The following PTH2R variants were observed in gnomAD, a reference collection of about 807,000 sequenced individuals.
The protein encoded by PTH2R is parathyroid hormone 2 receptor, also known as PTH2 receptor.
Under a neutral mutation model 60.3 loss-of-function variants are expected in PTH2R, and 59 were observed. That is an observed-to-expected ratio of 0.98 (90% CI 0.79 to 1.22). The LOEUF (loss-of-function observed/expected upper bound fraction) is 1.22. Ranked by LOEUF, PTH2R falls within the 50% of genes most tolerant of loss-of-function variation. The pLI is 0.00. For synonymous variants in PTH2R, 256 were observed against 243.8 expected (o/e 1.05, Z -0.47); for missense variants, 749 against 682.6 (o/e 1.10, Z -1.08).
intron 2 of PTH2R, among the ~76,000 whole-genome samples, chr2:208,430,296 CTTTA>C (rs1319214721): frequency 6.6e-6 from 1 of 151,674 alleles, no homozygotes; most frequent in African/African-American, 2.4e-5. Flanking sequence ...ATAAAATGTC[CTTTA>C]TTTATATATT....
At chr2:208,404,494 G>A (rs929426650), upstream of PTH2R, among the ~76,000 whole-genome samples, 1 of 152,140 alleles carries the variant, frequency 6.6e-6, no homozygotes. Context: ...TAAATGGAAT[G>A]TAATAGTGTA....
intron 1 of PTH2R, among the ~76,000 whole-genome samples, chr2:208,399,078 C>T (rs1172560665): frequency 2.6e-5 from 4 of 152,124 alleles, no homozygotes; most frequent in African/African-American, 7.2e-5. Flanking sequence ...TTCTTCATAC[C>T]TTATTGTTTA....
intron 5 of PTH2R, 28 bp from the exon 6 acceptor site, chr2:208,443,320 T>G (rs776384279): frequency 3.4e-6 from 5 of 1,481,276 alleles, no homozygotes; most frequent in Middle Eastern, 3.6e-4. Context: ...TTTATCCAAA[T>G]TTAAATACTG....
In PTH2R at chr2:208,442,447, C is replaced by T. The variant is rs748084242; in HGVS notation, c.495C>T (p.Ile165=). Residue 165 remains isoleucine, a synonymous_variant, in exon 5 of 13, where the codon ATC becomes ATT. Transcript: ENST00000272847. ...SFGSLAVAIL[I]IGYFRRLHCT... The stretch of plus-strand genomic sequence containing the variant: ...GTTCCTTGGCTGTGGCTATTCTCAT[C>T]ATTGGTTACTTCAGGTGAGTGATGC... 1 of 1,607,554 alleles carries T rather than the reference C, an allele frequency of 6.2e-7. No individual in the cohort carries two copies. The highest frequency in any genetic ancestry group is 8.5e-7 in the Non-Finnish European group (1 of 1,174,128).
In PTH2R at chr2:208,411,056, G is replaced by A. The variant is rs566522512; in HGVS notation, c.75+3938G>A. Among the ~76,000 whole-genome samples the A allele has an allele frequency of 1.1e-4, 16 of 152,264 alleles. No homozygotes were observed. The East Asian group carries it at 2.9e-3, about 28-fold the overall frequency. ...AGGTCAGGAGTTCGAGACCAGCCTG[G>A]CCGACATGGTGAAACACCGTCTCTA... On this transcript the variant is annotated intron_variant, in intron 1 of 12. Coordinates refer to ENST00000272847, the MANE Select transcript of PTH2R (RefSeq NM_005048.4).
At chr2:208,428,635 A>G (rs1159769148) in intron 2 of PTH2R, among the ~76,000 whole-genome samples, 1 of 152,218 alleles carries the variant, frequency 6.6e-6, no homozygotes, top group Non-Finnish European at 1.5e-5. Flanking sequence ...GTAAGCTTGG[A>G]GGAGTAGGCT....
chr2:208,467,250 G>A (rs183016399), intron 9 of PTH2R, among the ~76,000 whole-genome samples: 1 of 152,088 alleles, frequency 6.6e-6, no homozygotes, highest in South Asian at 2.1e-4. Context: ...CAAACAAATG[G>A]TGGGAGCAAG....
intron 9 of PTH2R, among the ~76,000 whole-genome samples, chr2:208,476,871 T>C (rs1198238116): frequency 3.9e-5 from 6 of 152,134 alleles, no homozygotes; most frequent in Non-Finnish European, 1.5e-5. Flanking sequence ...GTCAGGATCT[T>C]CCCACCTGGG....
At chr2:208,436,737 G>A (rs1053501553) in intron 2 of PTH2R, among the ~76,000 whole-genome samples, 4 of 152,074 alleles carry the variant, frequency 2.6e-5, no homozygotes, top group Non-Finnish European at 5.9e-5. Context: ...TTTCTGGGAG[G>A]GCTTGGAACT....
chr2:208,417,538 A>C (rs1701663979), intron 1 of PTH2R, among the ~76,000 whole-genome samples: 2 of 137,654 alleles, frequency 1.5e-5, no homozygotes, highest in African/African-American at 2.7e-5. Flanking sequence ...CAAAGGTGGG[A>C]ATCTTTTTTT....
At chr2:208,373,443 C>T (rs1249847805) in intron 1 of PTH2R, among the ~76,000 whole-genome samples, 1 of 152,022 alleles carries the variant, frequency 6.6e-6, no homozygotes, top group African/African-American at 2.4e-5. Context: ...CTGTTTGCTG[C>T]ATTGAAAAAA....
chr2:208,460,564 G>A (rs1702614107), intron 9 of PTH2R, among the ~76,000 whole-genome samples: 2 of 152,124 alleles, frequency 1.3e-5, no homozygotes, highest in African/African-American at 4.8e-5. Flanking sequence ...CACAATGCAT[G>A]TTGCACTGGA....
chr2:208,443,297 C>T (rs772044989), intron 5 of PTH2R, 51 bp from the exon 6 acceptor site: 10 of 1,453,276 alleles, frequency 6.9e-6, no homozygotes, highest in Admixed American at 4.7e-5. Context: ...TGGGTGTTTC[C>T]CCCATTTTTA....
At chr2:208,458,079 C>T (rs1702550537) in intron 8 of PTH2R, among the ~76,000 whole-genome samples, 2 of 152,136 alleles carry the variant, frequency 1.3e-5, no homozygotes, top group African/African-American at 4.8e-5. Context: ...AGTGCCAAGT[C>T]GTACTAGTTT....
chr2:208,454,364 T>C (rs1702467889), intron 8 of PTH2R, among the ~76,000 whole-genome samples: 1 of 152,146 alleles, frequency 6.6e-6, no homozygotes, highest in South Asian at 2.1e-4. Flanking sequence ...AGGACCTAAT[T>C]AGGGTTAAGG....
intron 1 of PTH2R, among the ~76,000 whole-genome samples, chr2:208,377,596 C>T (rs1320170239): frequency 2.9e-4 from 44 of 150,886 alleles, no homozygotes; most frequent in Admixed American, 2.6e-3. Flanking sequence ...CGGGGGCTGA[C>T]CCCCCACCTG....
At chr2:208,389,227 T>C (rs1574830153) in intron 1 of PTH2R, among the ~76,000 whole-genome samples, 2 of 142,550 alleles carry the variant, frequency 1.4e-5, no homozygotes, top group African/African-American at 2.6e-5. Context: ...AGGAAATGCA[T>C]ACACACACAC....
At chr2:208,432,472 G>C (rs1450826134) in intron 2 of PTH2R, among the ~76,000 whole-genome samples, 2 of 152,194 alleles carry the variant, frequency 1.3e-5, no homozygotes, top group African/African-American at 4.8e-5. Flanking sequence ...GTAGGAATTA[G>C]ATGTGATGAG....
intron 1 of PTH2R, among the ~76,000 whole-genome samples, chr2:208,395,408 C>A (rs1405731894): frequency 1.3e-5 from 2 of 152,052 alleles, no homozygotes; most frequent in South Asian, 4.1e-4. Flanking sequence ...AAATGTGCCT[C>A]ATGTAGAGGA....
Sources: gnomAD v4.1 joint callset for allele counts (sites outside exome capture counted in the v4.1 genomes callset) on GRCh38, gnomAD v4.1.1 for gene constraint, MANE v1.5 for transcripts, NCBI Gene and HGNC (gene_info 2026-07-23, HGNC 2026-07-21) for gene names.